The following ASAP2 variants were observed in gnomAD, a reference collection of about 807,000 sequenced individuals.
The protein encoded by ASAP2 is arf-GAP with SH3 domain, ANK repeat and PH domain-containing protein 2.
In ASAP2, 45 loss-of-function variants were observed where a neutral mutation model predicts 131.4. The ratio of observed to expected loss-of-function variants is 0.34; its 90% confidence interval spans 0.27 to 0.44. The LOEUF (loss-of-function observed/expected upper bound fraction) is 0.44. Ranked by LOEUF, ASAP2 falls within the 20% of genes least tolerant of loss-of-function variation. The pLI, the probability that ASAP2 is intolerant of heterozygous loss-of-function variation, is 1.00. For synonymous variants in ASAP2, 510 were observed against 503.0 expected, an observed-to-expected ratio of 1.01 and a Z score of -0.19; for missense variants, 1,011 against 1,297.0, an observed-to-expected ratio of 0.78 and a Z score of 3.39.
intron 9 of ASAP2, among the ~76,000 whole-genome samples, chr2:9,343,722 C>T (rs575632184): frequency 2.4e-4 from 36 of 152,344 alleles, no homozygotes; most frequent in South Asian, 2.1e-3. Context: ...GTTGGGATTA[C>T]AGGCATAAGC....
chr2:9,223,587 A>G (rs1366690662), intron 1 of ASAP2, among the ~76,000 whole-genome samples: 2 of 152,198 alleles, frequency 1.3e-5, no homozygotes, highest in Non-Finnish European at 2.9e-5. Flanking sequence ...TATTAGCTGG[A>G]ATAACCTGGC....
At chr2:9,347,706 A>C (rs765402115) in intron 11 of ASAP2, among the ~76,000 whole-genome samples, 1 of 152,218 alleles carries the variant, frequency 6.6e-6, no homozygotes, top group Non-Finnish European at 1.5e-5. Flanking sequence ...CCTAGGAAGA[A>C]GTGATCCTTG....
At chr2:9,243,673 T>G (rs72773369) in intron 1 of ASAP2, among the ~76,000 whole-genome samples, 6 of 152,150 alleles carry the variant, frequency 3.9e-5, no homozygotes, top group Non-Finnish European at 7.4e-5. Flanking sequence ...TGTTTTATCT[T>G]ACCTAGATTA....
chr2:9,240,109 A>T (rs1374422052), intron 1 of ASAP2, among the ~76,000 whole-genome samples: 2 of 152,080 alleles, frequency 1.3e-5, no homozygotes, highest in African/African-American at 4.8e-5. Flanking sequence ...TCACAGACTT[A>T]TCTAAATACT....
In ASAP2 at chr2:9,267,897, CAA is replaced by C. The variant is rs34716225; in HGVS notation, c.127-11396_127-11395del. Among the ~76,000 whole-genome samples, 131 of 64,984 alleles carry C rather than the reference CAA, an allele frequency of 2.0e-3. 2 individuals carry two copies. The South Asian group carries it at 0.026, about 13-fold the overall frequency. 42.6% of individuals were successfully genotyped at this position (64,984 alleles called of 152,430 possible). On this transcript the variant is annotated intron_variant, in intron 1 of 27. Transcript: ENST00000281419. ...TGAGCAACAGAGCAAGACTCTATCT[CAA>C]AAAAAAAAAAAAAAAAAAAAAAAGA...
intron 2 of ASAP2, among the ~76,000 whole-genome samples, chr2:9,279,976 A>G (rs1456834588): frequency 1.1e-4 from 17 of 152,082 alleles, no homozygotes; most frequent in Admixed American, 1.1e-3. Flanking sequence ...AAATCCTACG[A>G]GTGATACAAA....
chr2:9,378,457 C>T (rs1674570772), intron 18 of ASAP2, among the ~76,000 whole-genome samples: 1 of 152,226 alleles, frequency 6.6e-6, no homozygotes. Flanking sequence ...AGTGACTTTT[C>T]CCTTTCCTGG....
chr2:9,361,367 C>A (rs542073225), intron 15 of ASAP2, among the ~76,000 whole-genome samples: 1 of 152,152 alleles, frequency 6.6e-6, no homozygotes, highest in Non-Finnish European at 1.5e-5. Context: ...CATCTCCCCA[C>A]GGCTCCCCCA....
intron 12 of ASAP2, among the ~76,000 whole-genome samples, chr2:9,351,239 G>A (rs1002090771): frequency 6.6e-6 from 1 of 152,348 alleles, no homozygotes; most frequent in Non-Finnish European, 1.5e-5. Flanking sequence ...AGAGAAGGAG[G>A]ACAATTCTGT....
chr2:9,267,989 C>G (rs919126276), intron 1 of ASAP2, among the ~76,000 whole-genome samples: 1 of 151,734 alleles, frequency 6.6e-6, no homozygotes, highest in African/African-American at 2.4e-5. Context: ...CCCATCGTAA[C>G]GCCCTCAGAA....
intron 1 of ASAP2, among the ~76,000 whole-genome samples, chr2:9,233,319 A>AT (rs374193314): frequency 5.9e-5 from 9 of 152,350 alleles, no homozygotes; most frequent in African/African-American, 2.2e-4. Context: ...CATCCTCAGA[A>AT]TGGAAGGTCC....
intron 1 of ASAP2, among the ~76,000 whole-genome samples, chr2:9,263,491 C>G (rs1168453570): frequency 1.3e-5 from 2 of 152,200 alleles, no homozygotes; most frequent in Non-Finnish European, 2.9e-5. Context: ...TAGGACTTTT[C>G]TTCCCCCTAA....
intron 21 of ASAP2, among the ~76,000 whole-genome samples, chr2:9,386,878 C>G (rs1675296397): frequency 6.6e-6 from 1 of 152,198 alleles, no homozygotes; most frequent in East Asian, 1.9e-4. Flanking sequence ...TCTAAGTTAC[C>G]TGAGTCATCA....
chr2:9,359,029 G>A, intron 15 of ASAP2, 140 bp downstream of exon 15: 1 of 1,082,658 alleles, frequency 9.2e-7, no homozygotes, highest in South Asian at 1.8e-5. Context: ...GAAACTCATT[G>A]ATAATTCTTC....
At chr2:9,349,398 C>T (rs1672185590) in intron 11 of ASAP2, among the ~76,000 whole-genome samples, 1 of 152,204 alleles carries the variant, frequency 6.6e-6, no homozygotes, top group Non-Finnish European at 1.5e-5. Flanking sequence ...TACTTGGTTG[C>T]ATACATGTTT....
intron 1 of ASAP2, among the ~76,000 whole-genome samples, chr2:9,219,955 C>G (rs531338602): frequency 6.6e-6 from 1 of 152,318 alleles, no homozygotes; most frequent in South Asian, 2.1e-4. Context: ...TGGAATCAAA[C>G]AATATGTGGC....
chr2:9,222,391 A>G (rs1662486721), intron 1 of ASAP2, among the ~76,000 whole-genome samples: 1 of 152,118 alleles, frequency 6.6e-6, no homozygotes. Context: ...CTTGGTAGTC[A>G]CTCAGGAGGC....
chr2:9,326,761 A>G (rs1042639665), intron 6 of ASAP2, among the ~76,000 whole-genome samples: 7 of 152,188 alleles, frequency 4.6e-5, no homozygotes, highest in African/African-American at 1.7e-4. Flanking sequence ...TAGTGGCCGC[A>G]CAGTATTTTC....
At chr2:9,382,366 A>C (rs1486081448) in intron 20 of ASAP2, among the ~76,000 whole-genome samples, 7 of 152,188 alleles carry the variant, frequency 4.6e-5, no homozygotes, top group African/African-American at 1.4e-4. Flanking sequence ...CAGGCACAGG[A>C]AAGTTAAGTG....
Sources: allele counts gnomAD v4.1 joint callset (sites outside exome capture counted in the v4.1 genomes callset), GRCh38; gene constraint gnomAD v4.1.1; transcripts MANE v1.5; gene names NCBI Gene and HGNC (gene_info 2026-07-23, HGNC 2026-07-21).